The following IMMP2L variants were observed in gnomAD, a reference collection of about 807,000 sequenced individuals.
The protein encoded by IMMP2L is mitochondrial inner membrane protease subunit 2.
A neutral mutation model predicts 19.3 loss-of-function variants in IMMP2L; 18 were observed. The observed-to-expected ratio is 0.93, with a 90% confidence interval of 0.64 to 1.38. IMMP2L has a LOEUF of 1.38. Ranked by LOEUF, IMMP2L falls within the 40% of genes most tolerant of loss-of-function variation. IMMP2L has a pLI of 0.00. For synonymous variants in IMMP2L, 76 were observed against 73.0 expected, an observed-to-expected ratio of 1.04 and a Z score of -0.21; for missense variants, 233 against 218.2, an observed-to-expected ratio of 1.07 and a Z score of -0.43.
At chr7:110,821,896 C>T (rs963552583) in intron 5 of IMMP2L, among the ~76,000 whole-genome samples, 4 of 152,026 alleles carry the variant, frequency 2.6e-5, no homozygotes, top group Non-Finnish European at 5.9e-5. Context: ...GCACTCCAGC[C>T]TGGTGACAGA....
chr7:111,349,939 C>G (rs1458230226), intron 3 of IMMP2L, among the ~76,000 whole-genome samples: 1 of 151,526 alleles, frequency 6.6e-6, no homozygotes, highest in African/African-American at 2.4e-5. Flanking sequence ...CATGTGAGCT[C>G]ATTACTTTAT....
chr7:111,025,240 A>G (rs560462105), intron 3 of IMMP2L, among the ~76,000 whole-genome samples: 1 of 152,296 alleles, frequency 6.6e-6, no homozygotes, highest in South Asian at 2.1e-4. Flanking sequence ...TCACCACTTA[A>G]TCTCTCTGAG....
At chr7:110,794,596 C>T (rs1262786026) in intron 5 of IMMP2L, among the ~76,000 whole-genome samples, 3 of 151,932 alleles carry the variant, frequency 2.0e-5, no homozygotes, top group Non-Finnish European at 4.4e-5. Flanking sequence ...TGGAAAAAAC[C>T]AATAAGACAA....
chr7:111,293,946 C>G (rs572196281), intron 3 of IMMP2L, among the ~76,000 whole-genome samples: 1 of 151,966 alleles, frequency 6.6e-6, no homozygotes, highest in East Asian at 1.9e-4. Flanking sequence ...TAGGTCATCA[C>G]TAGCATTTAT....
intron 3 of IMMP2L, among the ~76,000 whole-genome samples, chr7:111,265,475 A>G (rs1054415124): frequency 6.6e-6 from 1 of 152,180 alleles, no homozygotes; most frequent in Admixed American, 6.5e-5. Context: ...AATATGCTTT[A>G]GAGACCAATT....
intron 3 of IMMP2L, among the ~76,000 whole-genome samples, chr7:111,230,256 A>G (rs911532252): frequency 6.6e-6 from 1 of 152,068 alleles, no homozygotes; most frequent in Non-Finnish European, 1.5e-5. Context: ...AATTTAATTA[A>G]TGTGAAGAAC....
chr7:111,510,093 C>T (rs1020759337), intron 2 of IMMP2L, among the ~76,000 whole-genome samples: 1 of 151,934 alleles, frequency 6.6e-6, no homozygotes, highest in African/African-American at 2.4e-5. Context: ...AAGTGAATGA[C>T]AGAATTAAAG....
chr7:111,191,747 A>T (rs1303899293), intron 3 of IMMP2L, among the ~76,000 whole-genome samples: 1 of 152,128 alleles, frequency 6.6e-6, no homozygotes, highest in East Asian at 1.9e-4. Flanking sequence ...GAGCTGAACA[A>T]GAAAACATTT....
In IMMP2L at chr7:110,990,714, T is replaced by G. The variant is rs7778282; in HGVS notation, c.240-27149A>C. On this transcript the variant is annotated intron_variant, in intron 3 of 5. Transcript: ENST00000405709. ...CCAGGCTCCCTAATGCCAGTGCCAA[T>G]CTACTTTAAGTTAACTTACACCAGG... Among the ~76,000 whole-genome samples, 609 of 152,276 alleles carry G rather than the reference T, an allele frequency of 4.0e-3. 4 individuals carry two copies. Among genetic ancestry groups the G allele is most frequent in the African/African-American group, 0.014 (587 of 41,562 alleles).
At chr7:111,338,481 A>G (rs1283898231) in intron 3 of IMMP2L, among the ~76,000 whole-genome samples, 1 of 152,158 alleles carries the variant, frequency 6.6e-6, no homozygotes, top group Non-Finnish European at 1.5e-5. Context: ...GGTAAAAATA[A>G]TTAATGGATA....
chr7:111,106,196 A>T (rs1325694905), intron 3 of IMMP2L, among the ~76,000 whole-genome samples: 2 of 151,884 alleles, frequency 1.3e-5, no homozygotes, highest in Non-Finnish European at 1.5e-5. Flanking sequence ...TCCTTTACCT[A>T]CTTACTTCTC....
intron 4 of IMMP2L, among the ~76,000 whole-genome samples, chr7:110,937,024 A>G (rs1816192288): frequency 6.6e-6 from 1 of 152,038 alleles, no homozygotes; most frequent in African/African-American, 2.4e-5. Context: ...GAACAAACGG[A>G]GGGGAACATC....
intron 3 of IMMP2L, among the ~76,000 whole-genome samples, chr7:111,033,133 A>G (rs1478546522): frequency 1.3e-5 from 2 of 152,206 alleles, no homozygotes; most frequent in African/African-American, 2.4e-5. Flanking sequence ...TAATAAATAA[A>G]TTAAAATAAG....
intron 5 of IMMP2L, among the ~76,000 whole-genome samples, chr7:110,801,286 T>C (rs1036894236): frequency 1.3e-5 from 2 of 152,096 alleles, no homozygotes; most frequent in Non-Finnish European, 2.9e-5. Context: ...GCTGTTTGAA[T>C]CTAATATTTT....
At chr7:111,173,380 TG>T (rs1806669008) in intron 3 of IMMP2L, among the ~76,000 whole-genome samples, 1 of 151,638 alleles carries the variant, frequency 6.6e-6, no homozygotes. Context: ...TTTAATCACC[TG>T]AATCACTGAA....
chr7:111,467,395 G>A (rs1185598827), intron 3 of IMMP2L, among the ~76,000 whole-genome samples: 1 of 152,158 alleles, frequency 6.6e-6, no homozygotes. Context: ...GTTCTGTAAA[G>A]ATGGTATTCA....
At chr7:111,116,168 T>C (rs981445708) in intron 3 of IMMP2L, among the ~76,000 whole-genome samples, 2 of 152,180 alleles carry the variant, frequency 1.3e-5, no homozygotes, top group African/African-American at 4.8e-5. Flanking sequence ...AAGGCCTATA[T>C]TGTCATCTAA....
chr7:111,402,588 G>A (rs1265054408), intron 3 of IMMP2L, among the ~76,000 whole-genome samples: 1 of 151,900 alleles, frequency 6.6e-6, no homozygotes, highest in East Asian at 1.9e-4. Context: ...GCATGCACCA[G>A]AAGTCCCAGC....
At chr7:110,856,144 A>C (rs758326952) in intron 5 of IMMP2L, among the ~76,000 whole-genome samples, 1 of 152,012 alleles carries the variant, frequency 6.6e-6, no homozygotes, top group Non-Finnish European at 1.5e-5. Context: ...CAAATTTATA[A>C]AACTTTCAGT....
Sources: allele counts gnomAD v4.1 joint callset (sites outside exome capture counted in the v4.1 genomes callset), GRCh38; gene constraint gnomAD v4.1.1; transcripts MANE v1.5; gene names NCBI Gene and HGNC (gene_info 2026-07-23, HGNC 2026-07-21).